The following TRABD2B variants were observed in gnomAD, a reference collection of about 807,000 sequenced individuals.
TRABD2B encodes the protein TraB domain containing 2B, also known as metalloprotease TIKI2.
Under a neutral mutation model 40.1 loss-of-function variants are expected in TRABD2B, and 14 were observed. The ratio of observed to expected loss-of-function variants is 0.35; its 90% confidence interval spans 0.23 to 0.55. TRABD2B has a LOEUF of 0.55. TRABD2B is among the 20% of genes least tolerant of loss of function. TRABD2B has a pLI of 0.90. For synonymous variants in TRABD2B, 263 were observed against 277.0 expected (o/e 0.95, Z 0.50); for missense variants, 541 against 648.6 (o/e 0.83, Z 1.80).
intron 2 of TRABD2B, among the ~76,000 whole-genome samples, chr1:47,839,718 C>T (rs1436662468): frequency 6.6e-6 from 1 of 152,218 alleles, no homozygotes; most frequent in Non-Finnish European, 1.5e-5. Context: ...TGACAGTGTC[C>T]TCGCCATCAT....
intron 2 of TRABD2B, among the ~76,000 whole-genome samples, chr1:47,905,846 C>T (rs543932556): frequency 2.0e-5 from 3 of 152,222 alleles, no homozygotes; most frequent in African/African-American, 7.2e-5. Context: ...GCAGAGAGAG[C>T]GAGAAGTGGA....
intron 2 of TRABD2B, among the ~76,000 whole-genome samples, chr1:47,852,133 C>T (rs1050691867): frequency 3.3e-5 from 5 of 152,200 alleles, no homozygotes; most frequent in South Asian, 2.1e-4. Flanking sequence ...AAACACCCAC[C>T]AGCCACCGCC....
intron 2 of TRABD2B, among the ~76,000 whole-genome samples, chr1:47,959,163 A>G (rs1009811578): frequency 1.3e-5 from 2 of 152,202 alleles, no homozygotes; most frequent in African/African-American, 4.8e-5. Context: ...TTTGAAACCA[A>G]CGAGAACAAA....
At position 47,762,474 on chromosome 1, in the gene TRABD2B, G is replaced by A. The variant is rs1375751597; in HGVS notation, c.*3428C>T. 1 of 152,150 alleles carries A rather than the reference G, an allele frequency of 6.6e-6. No homozygotes were observed. Among genetic ancestry groups the A allele is most frequent in the Non-Finnish European group, 1.5e-5 (1 of 68,038 alleles). The allele number at this position is 152,150 out of a possible 1,614,324, so 9.4% of individuals were successfully genotyped here. On this transcript the variant is annotated 3_prime_UTR_variant, in exon 7 of 7. Coordinates refer to ENST00000606738, the MANE Select transcript of TRABD2B (RefSeq NM_001194986.2). ...GGTAGAAGGACTTTCCCTCCTCTTTGGGATCCACTGTGACAATGGCCCTGG... is the reference window on the plus strand; with the variant it reads ...GGTAGAAGGACTTTCCCTCCTCTTTAGGATCCACTGTGACAATGGCCCTGG...
At chr1:47,886,743 A>G (rs1020390541) in intron 2 of TRABD2B, among the ~76,000 whole-genome samples, 1 of 152,248 alleles carries the variant, frequency 6.6e-6, no homozygotes, top group African/African-American at 2.4e-5. Flanking sequence ...GGCTAGGGAC[A>G]AACAGTGGTG....
chr1:47,965,087 G>T (rs1361696104), intron 2 of TRABD2B, among the ~76,000 whole-genome samples: 1 of 151,180 alleles, frequency 6.6e-6, no homozygotes, highest in African/African-American at 2.4e-5. Context: ...AATAGCCTTT[G>T]ATTTTTCTTC....
intron 2 of TRABD2B, among the ~76,000 whole-genome samples, chr1:47,878,644 T>C (rs933912474): frequency 6.6e-6 from 1 of 152,182 alleles, no homozygotes; most frequent in African/African-American, 2.4e-5. Context: ...AAATACAAAA[T>C]CTAGAATTGA....
intron 4 of TRABD2B, among the ~76,000 whole-genome samples, chr1:47,780,349 T>G (rs1471320654): frequency 6.6e-6 from 1 of 152,210 alleles, no homozygotes; most frequent in Non-Finnish European, 1.5e-5. Flanking sequence ...GGGGAAGGTT[T>G]TTGTTTCATT....
chr1:47,969,651 T>A (rs1355005328), intron 2 of TRABD2B, among the ~76,000 whole-genome samples: 1 of 152,168 alleles, frequency 6.6e-6, no homozygotes, highest in Non-Finnish European at 1.5e-5. Flanking sequence ...ACCTAGAACA[T>A]ATAAATGATC....
chr1:47,914,157 T>G (rs1249457373), intron 2 of TRABD2B, among the ~76,000 whole-genome samples: 1 of 152,220 alleles, frequency 6.6e-6, no homozygotes, highest in East Asian at 1.9e-4. Flanking sequence ...ACCTTTGAAA[T>G]CAATTCCAGC....
intron 4 of TRABD2B, among the ~76,000 whole-genome samples, chr1:47,790,560 G>A (rs1644657431): frequency 6.6e-6 from 1 of 152,234 alleles, no homozygotes; most frequent in African/African-American, 2.4e-5. Context: ...AGAGGCACCA[G>A]CTAAACAGGC....
At chr1:47,820,782 CCACACACACACACACA>C (rs56348753) in intron 2 of TRABD2B, among the ~76,000 whole-genome samples, 5 of 147,212 alleles carry the variant, frequency 3.4e-5, no homozygotes, top group South Asian at 2.2e-4. Context: ...TTCACACACA[CCACACACACACACACA>C]CACACACACA....
rs150556520 is a variant in TRABD2B, at chr1:47,903,895, G to A, written c.666+90139C>T. ...CTCACCAGGCCAGGCTACAGGATCT[G>A]CCTGCCTGCTCCAGTTTGGTCAGAT... is the stretch of plus-strand genomic sequence containing the variant. On this transcript the variant is annotated intron_variant, in intron 2 of 6. Coordinates refer to ENST00000606738, the MANE Select transcript of TRABD2B (RefSeq NM_001194986.2). 7.4e-3 allele frequency among the ~76,000 whole-genome samples: 1,127 copies of A among 152,300 alleles called. 21 individuals are homozygous for A. Among genetic ancestry groups the A allele is most frequent in the African/African-American group, 0.026 (1,092 of 41,560 alleles).
At chr1:47,969,723 A>G (rs1645653477) in intron 2 of TRABD2B, among the ~76,000 whole-genome samples, 1 of 152,190 alleles carries the variant, frequency 6.6e-6, no homozygotes, top group South Asian at 2.1e-4. Context: ...TTGGCCTAAA[A>G]AGAAAGGCCA....
chr1:47,990,544 C>T (rs1222549469), intron 2 of TRABD2B, among the ~76,000 whole-genome samples: 1 of 151,764 alleles, frequency 6.6e-6, no homozygotes, highest in African/African-American at 2.4e-5. Flanking sequence ...ATGCAGCCTT[C>T]CTCTTTCCCT....
chr1:47,902,800 T>C (rs1030999019), intron 2 of TRABD2B, among the ~76,000 whole-genome samples: 1 of 152,170 alleles, frequency 6.6e-6, no homozygotes, highest in African/African-American at 2.4e-5. Context: ...ATGATGGACA[T>C]TCTTTAGTAC....
At chr1:47,767,340 C>T (rs1644318444) in intron 6 of TRABD2B, among the ~76,000 whole-genome samples, 1 of 152,194 alleles carries the variant, frequency 6.6e-6, no homozygotes, top group South Asian at 2.1e-4. Flanking sequence ...AAGGGAAGGC[C>T]ATGAGGGCCT....
chr1:47,832,291 C>T (rs1451476478), intron 2 of TRABD2B, among the ~76,000 whole-genome samples: 1 of 151,984 alleles, frequency 6.6e-6, no homozygotes, highest in Non-Finnish European at 1.5e-5. Flanking sequence ...CAAGATCACG[C>T]CACTGCACTC....
chr1:47,917,238 T>C (rs1449659923), intron 2 of TRABD2B, among the ~76,000 whole-genome samples: 5 of 152,146 alleles, frequency 3.3e-5, no homozygotes, highest in African/African-American at 1.2e-4. Context: ...CGGAAACCCT[T>C]AGAAAGTGAG....
Sources: allele counts gnomAD v4.1 joint callset (sites outside exome capture counted in the v4.1 genomes callset), GRCh38; gene constraint gnomAD v4.1.1; transcripts MANE v1.5; gene names NCBI Gene and HGNC (gene_info 2026-07-23, HGNC 2026-07-21).